FOS: variants seen among roughly 807,000 people sequenced by gnomAD.
FOS encodes Fos proto-oncogene, AP-1 transcription factor subunit.
FOS carries 9 observed loss-of-function variants against 27.2 expected under a neutral mutation model. The ratio of observed to expected loss-of-function variants is 0.33; its 90% CI spans 0.20 to 0.58. The LOEUF is 0.58. FOS is among the 20% of genes least tolerant of loss of function. FOS has a pLI of 0.87. For missense variants in FOS, 405 were observed against 483.5 expected (o/e 0.84, Z 1.52); for synonymous variants, 213 against 205.1 (o/e 1.04, Z -0.33).
In FOS at chr14:75,280,957, G is replaced by A; in HGVS notation, c.676G>A (p.Gly226Ser). The A allele has an allele frequency of 6.2e-7, 1 of 1,614,120 alleles. No homozygotes were observed. The highest frequency in any genetic ancestry group is 8.5e-7 in the Non-Finnish European group (1 of 1,180,000). Reference sequence around the variant, plus strand: ...TGTGGCTTCCCTTGATCTGACTGGGGGCCTGCCAGAGGTTGCCACCCCGGA... The same window carrying A: ...TGTGGCTTCCCTTGATCTGACTGGGAGCCTGCCAGAGGTTGCCACCCCGGA... ...MSVASLDLTGGLPEVATPESE... is the reference protein window; with the variant it reads ...MSVASLDLTGSLPEVATPESE... The change falls in exon 4 of 4, where the codon GGC becomes AGC. Residue 226 changes from glycine to serine, a missense_variant. Transcript: ENST00000303562.
rs1273357791 is a variant in FOS at position 75,280,763 on chromosome 14, C to A, written c.502-20C>A. Reference sequence around the variant, plus strand: ...GAGTAAGACTGTGTCTTATGCTTTCCTTTATCCCTCTGTATACAGGAGACA... The same window carrying A: ...GAGTAAGACTGTGTCTTATGCTTTCATTTATCCCTCTGTATACAGGAGACA... On this transcript the variant is annotated intron_variant, in intron 3 of 3. Transcript: ENST00000303562. The A allele has an allele frequency of 6.2e-7, 1 of 1,613,096 alleles. No individual in the cohort carries two copies. Among genetic ancestry groups the A allele is most frequent in the African/African-American group, 1.3e-5 (1 of 74,788 alleles).
At position 75,281,028 on chromosome 14, in the gene FOS, C is replaced by G; in HGVS notation, c.747C>G (p.Pro249=). 6.2e-7 allele frequency: 1 copy of G among 1,613,874 alleles called. No homozygotes were observed. Among genetic ancestry groups the G allele is most frequent in the Non-Finnish European group, 8.5e-7 (1 of 1,180,016 alleles). Residue 249 remains proline (P), a synonymous_variant, in exon 4 of 4, where the codon CCC becomes CCG. Coordinates refer to ENST00000303562, the MANE Select transcript of FOS (RefSeq NM_005252.4). The surrounding 1 kb of genome is among the most constrained non-coding windows in gnomAD (Gnocchi z 4.7). Reference sequence around the variant, plus strand: ...TGCCTCTCCTCAATGACCCTGAGCCCAAGCCCTCAGTGGAACCTGTCAAGA... The same window carrying G: ...TGCCTCTCCTCAATGACCCTGAGCCGAAGCCCTCAGTGGAACCTGTCAAGA... ...FTLPLLNDPE[P]KPSVEPVKSI...
chr14:75,281,683 A>G lies in FOS; in HGVS notation c.*259A>G. 2.0e-6 allele frequency: 1 copy of G among 506,250 alleles called. No individual in the cohort carries two copies. The allele number at this position is 506,250 out of a possible 1,614,324, so 31.4% of individuals were successfully genotyped here. A position where few individuals can be genotyped will look rare whatever the true frequency, so the allele number is the denominator to read the frequency against. On this transcript the variant is annotated 3_prime_UTR_variant, in exon 4 of 4. Transcript: ENST00000303562. The surrounding 1 kb of genome is among the most constrained non-coding windows in gnomAD (Gnocchi z 4.7). ...CCCAGTGACACTTCAGAGAGCTGGT[A>G]GTTAGTAGCATGTTGAGCCAGGCCT...
Position 75,279,688 on chromosome 14 carries a change from A to C in FOS, c.142-189A>C. 1.6e-6 allele frequency: 1 copy of C among 644,914 alleles called. No homozygotes were observed. The highest frequency in any genetic ancestry group is 2.7e-6 in the Non-Finnish European group (1 of 371,786). The allele number at this position is 644,914 out of a possible 1,614,324, so 39.9% of individuals were successfully genotyped here. Reference sequence around the variant, plus strand: ...AACGCAGCGGCAGGATGGAAGAGACAGGCACTGCGCTGCGGAATGCCTGGG... The same window carrying C: ...AACGCAGCGGCAGGATGGAAGAGACCGGCACTGCGCTGCGGAATGCCTGGG... On this transcript the variant is annotated intron_variant, in intron 1 of 3. Coordinates refer to ENST00000303562, the MANE Select transcript of FOS (RefSeq NM_005252.4). This position sits in a 1 kb window ranked among gnomAD's most constrained non-coding sequence, Gnocchi z 5.4.
Position 75,279,977 on chromosome 14 carries a change from T to G in FOS, c.242T>G (p.Leu81Arg), listed in dbSNP as rs1171330070. The G allele has an allele frequency of 3.7e-6, 6 of 1,614,110 alleles. No homozygotes were observed. In the East Asian group the frequency reaches 1.3e-4, roughly 36 times the overall value. ...PDLQWLVQPA[L>R]VSSVAPSQTR... ...CTGCAGTGGCTGGTGCAGCCCGCCC[T>G]CGTCTCCTCCGTGGCCCCATCGCAG... Residue 81 changes from leucine to arginine, a missense_variant, in exon 2 of 4, where the codon CTC (leucine) becomes CGC (arginine). Leu to Arg is a moderately radical substitution (Grantham distance 102, BLOSUM62 -2). Transcript: ENST00000303562. The surrounding 1 kb of genome is among the most constrained non-coding windows in gnomAD (Gnocchi z 5.4).
chr14:75,279,341 G>A lies in FOS; in HGVS notation c.141+218G>A, dbSNP rs1247431210. 2 of 626,554 alleles carry A rather than the reference G, an allele frequency of 3.2e-6. No individual in the cohort carries two copies. The highest frequency in any genetic ancestry group is 5.5e-6 in the Non-Finnish European group (2 of 363,232). The allele number at this position is 626,554 out of a possible 1,614,324, so 38.8% of individuals were successfully genotyped here. A position where few individuals can be genotyped will look rare whatever the true frequency, so the allele number is the denominator to read the frequency against. On this transcript the variant is annotated intron_variant, in intron 1 of 3. Coordinates refer to ENST00000303562, the MANE Select transcript of FOS (RefSeq NM_005252.4). The surrounding 1 kb of genome is among the most constrained non-coding windows in gnomAD (Gnocchi z 5.4). ...GGTTCCCCCTTCGGGAGGCAGGTTC[G>A]TTCTGAGCAACCTCTGGTCTGCACT...
In FOS at chr14:75,281,182, G is replaced by T. The variant is rs1897225835; in HGVS notation, c.901G>T (p.Ala301Ser). ...DMDLSGSFYA[A>S]DWEPLHSGSL... ...GGACCTATCTGGGTCCTTCTATGCA[G>T]CAGACTGGGAGCCTCTGCACAGTGG... The change falls in exon 4 of 4, where the codon GCA (alanine) becomes TCA (serine). Residue 301 changes from alanine (A) to serine (S), a missense_variant. Transcript: ENST00000303562. The surrounding 1 kb of genome is among the most constrained non-coding windows in gnomAD (Gnocchi z 4.7). 2 of 1,612,088 alleles carry T rather than the reference G, an allele frequency of 1.2e-6. No individual in the cohort carries two copies. Among genetic ancestry groups the T allele is most frequent in the Non-Finnish European group, 1.7e-6 (2 of 1,180,022 alleles).
In FOS at chr14:75,280,992, G is replaced by A. The variant is rs1425719201; in HGVS notation, c.711G>A (p.Glu237=). 1.2e-6 allele frequency: 2 copies of A among 1,614,142 alleles called. No individual in the cohort carries two copies. Among genetic ancestry groups the A allele is most frequent in the Non-Finnish European group, 1.7e-6 (2 of 1,180,026 alleles). Residue 237 remains glutamate, a synonymous_variant, in exon 4 of 4, where the codon GAG becomes GAA. Transcript: ENST00000303562. ...AGGTTGCCACCCCGGAGTCTGAGGAGGCCTTCACCCTGCCTCTCCTCAATG... is the reference window on the plus strand; with the variant it reads ...AGGTTGCCACCCCGGAGTCTGAGGAAGCCTTCACCCTGCCTCTCCTCAATG... ...LPEVATPESE[E]AFTLPLLNDP... is the part of the protein sequence containing the mutation.
At position 75,281,337 on chromosome 14, in the gene FOS, C is replaced by T; in HGVS notation, c.1056C>T (p.Pro352=). Residue 352 remains proline (P), a synonymous_variant, in exon 4 of 4, where the codon CCC becomes CCT. Transcript: ENST00000303562. The surrounding 1 kb of genome is among the most constrained non-coding windows in gnomAD (Gnocchi z 4.7). ...CCTACCCCGAGGCTGACTCCTTCCC[C>T]AGCTGTGCAGCTGCCCACCGCAAGG... ...VFTYPEADSF[P]SCAAAHRKGS... 1 of 1,610,080 alleles carries T rather than the reference C, an allele frequency of 6.2e-7. No homozygotes were observed. Among genetic ancestry groups the T allele is most frequent in the East Asian group, 2.2e-5 (1 of 44,886 alleles).
chr14:75,279,027 C>T lies in FOS; in HGVS notation c.45C>T (p.Ser15=). ...ACGCAGACTACGAGGCGTCATCCTC[C>T]CGCTGCAGCAGCGCGTCCCCGGCCG... ...GFNADYEASS[S]RCSSASPAGD... is the part of the protein sequence containing the mutation. The change falls in exon 1 of 4, where the codon TCC becomes TCT. Residue 15 remains serine, a synonymous_variant. Coordinates refer to ENST00000303562, the MANE Select transcript of FOS (RefSeq NM_005252.4). The surrounding 1 kb of genome is among the most constrained non-coding windows in gnomAD (Gnocchi z 5.4). 6.2e-7 allele frequency: 1 copy of T among 1,613,738 alleles called. No homozygotes were observed. Among genetic ancestry groups the T allele is most frequent in the African/African-American group, 1.3e-5 (1 of 75,052 alleles).
chr14:75,281,226 C>T lies in FOS; in HGVS notation c.945C>T (p.Pro315=). 1.2e-6 allele frequency: 2 copies of T among 1,612,754 alleles called. No individual in the cohort carries two copies. Among genetic ancestry groups the T allele is most frequent in the Non-Finnish European group, 1.7e-6 (2 of 1,180,014 alleles). The change falls in exon 4 of 4, where the codon CCC becomes CCT. Residue 315 remains proline (P), a synonymous_variant. Coordinates refer to ENST00000303562, the MANE Select transcript of FOS (RefSeq NM_005252.4). This position sits in a 1 kb window ranked among gnomAD's most constrained non-coding sequence, Gnocchi z 4.7. The stretch of plus-strand genomic sequence containing the variant: ...ACAGTGGCTCCCTGGGGATGGGGCC[C>T]ATGGCCACAGAGCTGGAGCCCCTGT... ...PLHSGSLGMG[P]MATELEPLCT...
rs1897224117 is a variant in FOS, at chr14:75,281,066, T to C, written c.785T>C (p.Met262Thr). ...GAACCTGTCAAGAGCATCAGCAGCA[T>C]GGAGCTGAAGACCGAGCCCTTTGAT... ...SVEPVKSISS[M>T]ELKTEPFDDF... The change falls in exon 4 of 4, where the codon ATG becomes ACG. Residue 262 changes from methionine to threonine, a missense_variant. Transcript: ENST00000303562. This position sits in a 1 kb window ranked among gnomAD's most constrained non-coding sequence, Gnocchi z 4.7. The C allele has an allele frequency of 6.2e-7, 1 of 1,612,330 alleles. No homozygotes were observed.
In FOS at chr14:75,279,224, T is replaced by A; in HGVS notation, c.141+101T>A. On this transcript the variant is annotated intron_variant, in intron 1 of 3. Coordinates refer to ENST00000303562, the MANE Select transcript of FOS (RefSeq NM_005252.4). The surrounding 1 kb of genome is among the most constrained non-coding windows in gnomAD (Gnocchi z 5.4). The stretch of plus-strand genomic sequence containing the variant: ...AGTAGATGAGTAGGGGGCTCCCTTG[T>A]GCCTGGAGGGAGGCTGCCGTGGCCG... The A allele has an allele frequency of 1.3e-6, 2 of 1,496,838 alleles. No homozygotes were observed. The highest frequency in any genetic ancestry group is 1.9e-5 in the Admixed American group (1 of 51,582). The allele number at this position is 1,496,838 out of a possible 1,614,324, so 92.7% of individuals were successfully genotyped here. A position where few individuals can be genotyped will look rare whatever the true frequency, so the allele number is the denominator to read the frequency against.
chr14:75,279,004 G>T lies in FOS; in HGVS notation c.22G>T (p.Ala8Ser). 1 of 1,613,646 alleles carries T rather than the reference G, an allele frequency of 6.2e-7. No homozygotes were observed. The highest frequency in any genetic ancestry group is 8.5e-7 in the Non-Finnish European group (1 of 1,179,936). The part of the protein sequence containing the change: MMFSGFN[A>S]DYEASSSRCS... ...CACGATGATGTTCTCGGGCTTCAAC[G>T]CAGACTACGAGGCGTCATCCTCCCG... Residue 8 changes from alanine to serine, a missense_variant, in exon 1 of 4, where the codon GCA (alanine) becomes TCA (serine). By Grantham distance (99) the Ala-to-Ser change is moderately conservative (BLOSUM62 1). Coordinates refer to ENST00000303562, the MANE Select transcript of FOS (RefSeq NM_005252.4). This position sits in a 1 kb window ranked among gnomAD's most constrained non-coding sequence, Gnocchi z 5.4.
Position 75,280,658 on chromosome 14 carries a change from A to T in FOS, c.492A>T (p.Thr164=), listed in dbSNP as rs750383843. 6.2e-7 allele frequency: 1 copy of T among 1,613,480 alleles called. No homozygotes were observed. Among genetic ancestry groups the T allele is most frequent in the East Asian group, 2.2e-5 (1 of 44,870 alleles). The part of the protein sequence containing the change: ...CRNRRRELTD[T]LQAETDQLED... Reference sequence around the variant, plus strand: ...ACCGGAGGAGGGAGCTGACTGATACACTCCAAGCGGTAGGTACTCTGTGGG... The same window carrying T: ...ACCGGAGGAGGGAGCTGACTGATACTCTCCAAGCGGTAGGTACTCTGTGGG... Residue 164 remains threonine (T), a synonymous_variant, in exon 3 of 4, where the codon ACA becomes ACT. Coordinates refer to ENST00000303562, the MANE Select transcript of FOS (RefSeq NM_005252.4).
chr14:75,281,140 C>T lies in FOS; in HGVS notation c.859C>T (p.Arg287Cys), dbSNP rs146332374. ...CAGGCCCAGTGGCTCTGAGACAGCC[C>T]GCTCCGTGCCAGACATGGACCTATC... ...SSRPSGSETA[R>C]SVPDMDLSGS... is the part of the protein sequence containing the mutation. Residue 287 changes from arginine (R) to cysteine (C), a missense_variant, in exon 4 of 4, where the codon CGC (arginine) becomes TGC (cysteine). Physicochemically the swap from Arg to Cys is radical, Grantham distance 180. Coordinates refer to ENST00000303562, the MANE Select transcript of FOS (RefSeq NM_005252.4). The surrounding 1 kb of genome is among the most constrained non-coding windows in gnomAD (Gnocchi z 4.7). 630 of 1,609,786 alleles carry T rather than the reference C, an allele frequency of 3.9e-4. No homozygotes were observed. The highest frequency in any genetic ancestry group is 5.3e-4 in the South Asian group (48 of 91,092).
chr14:75,279,275 G>A lies in FOS; in HGVS notation c.141+152G>A, dbSNP rs1325819720. 19 of 994,050 alleles carry A rather than the reference G, an allele frequency of 1.9e-5. No individual in the cohort carries two copies. Among genetic ancestry groups the A allele is most frequent in the Non-Finnish European group, 2.5e-5 (17 of 674,658 alleles). 61.6% of individuals were successfully genotyped at this position (994,050 alleles called of 1,614,324 possible). ...GAGCGGTGCCGGCTCGGGGGCTCGG[G>A]ACTTGCTCTGAGCGCACGCACGCTT... On this transcript the variant is annotated intron_variant, in intron 1 of 3. Coordinates refer to ENST00000303562, the MANE Select transcript of FOS (RefSeq NM_005252.4). The surrounding 1 kb of genome is among the most constrained non-coding windows in gnomAD (Gnocchi z 5.4).
Position 75,280,142 on chromosome 14 carries a change from G to A in FOS, c.393+14G>A. ...AAGGTGGAACAGGTGAGGAACTCTA[G>A]CGTACTCTTCCTGGGAATGTGGGGG... On this transcript the variant is annotated intron_variant, in intron 2 of 3. Transcript: ENST00000303562. 1 of 1,613,540 alleles carries A rather than the reference G, an allele frequency of 6.2e-7. No homozygotes were observed.
In FOS at chr14:75,281,029, A is replaced by G. The variant is rs767522433; in HGVS notation, c.748A>G (p.Lys250Glu). The change falls in exon 4 of 4, where the codon AAG becomes GAG. Residue 250 changes from lysine (K) to glutamate (E), a missense_variant. By Grantham distance (56) the Lys-to-Glu change is moderately conservative. Coordinates refer to ENST00000303562, the MANE Select transcript of FOS (RefSeq NM_005252.4). The surrounding 1 kb of genome is among the most constrained non-coding windows in gnomAD (Gnocchi z 4.7). The part of the protein sequence containing the change: ...TLPLLNDPEP[K>E]PSVEPVKSIS... Reference sequence around the variant, plus strand: ...GCCTCTCCTCAATGACCCTGAGCCCAAGCCCTCAGTGGAACCTGTCAAGAG... The same window carrying G: ...GCCTCTCCTCAATGACCCTGAGCCCGAGCCCTCAGTGGAACCTGTCAAGAG... 2.8e-5 allele frequency: 45 copies of G among 1,613,726 alleles called. 1 individual carries two copies. The South Asian group carries it at 4.9e-4, about 18-fold the overall frequency.
Sources: allele counts gnomAD v4.1 joint callset, GRCh38; gene constraint gnomAD v4.1.1; non-coding constraint Gnocchi (gnomAD v3.1); transcripts MANE v1.5; gene names NCBI Gene and HGNC (gene_info 2026-07-23, HGNC 2026-07-21).